Variants in SF3B3 observed in about 807,000 individuals in gnomAD.
SF3B3 encodes SAP 130.
A neutral mutation model predicts 139.2 loss-of-function variants in SF3B3; 33 were observed. The ratio of observed to expected loss-of-function variants is 0.24; its 90% CI spans 0.18 to 0.32. The LOEUF (loss-of-function observed/expected upper bound fraction) is 0.32. SF3B3 is among the 10% of genes least tolerant of loss of function. The probability of loss-of-function intolerance (pLI) is 1.00; values close to 1 mark genes in which losing one functional copy is unlikely to be tolerated. For synonymous variants in SF3B3, 596 were observed against 563.6 expected, an observed-to-expected ratio of 1.06 and a Z score of -0.81; for missense variants, 818 against 1,509.4, an observed-to-expected ratio of 0.54 and a Z score of 7.59.
rs2050525599 is a variant in SF3B3, at chr16:70,571,183, A to G, written c.3497A>G (p.Tyr1166Cys). The G allele has an allele frequency of 1.9e-6, 3 of 1,611,626 alleles. No individual in the cohort carries two copies. The highest frequency in any genetic ancestry group is 2.5e-6 in the Non-Finnish European group (3 of 1,177,848). ...CGRDHLSFRS[Y>C]YFPVKNVIDG... The stretch of plus-strand genomic sequence containing the variant: ...CGGGACCACCTCAGCTTTCGCTCCT[A>G]CTACTTCCCTGTGAAGGTAGGTTGG... The change falls in exon 25 of 26, where the codon TAC (tyrosine) becomes TGC (cysteine). Residue 1166 changes from tyrosine to cysteine, a missense_variant. Physicochemically the swap from Tyr to Cys is radical, Grantham distance 194. This residue lies in a region of SF3B3 where 44 missense variants were observed against 40.4 expected (regional missense o/e 1.09). Coordinates refer to ENST00000302516, the MANE Select transcript of SF3B3 (RefSeq NM_012426.5).
Position 70,538,787 on chromosome 16 carries a change from CTG to C in SF3B3, c.964-314_964-313del, listed in dbSNP as rs370660657. 2.0e-4 allele frequency among the ~76,000 whole-genome samples: 30 copies of C among 152,318 alleles called. No homozygotes were observed. The East Asian group carries it at 3.9e-3, about 20-fold the overall frequency. On this transcript the variant is annotated intron_variant, in intron 7 of 25. Coordinates refer to ENST00000302516, the MANE Select transcript of SF3B3 (RefSeq NM_012426.5). ...ACTTGTTTTATCCTATGGACGAGCT[CTG>C]TGAGTTGTTGGGCAATTTCTTAGAT...
At chr16:70,562,967 C>A (rs181966035) in intron 17 of SF3B3, among the ~76,000 whole-genome samples, 2 of 152,040 alleles carry the variant, frequency 1.3e-5, no homozygotes, top group Non-Finnish European at 2.9e-5. Flanking sequence ...CCTGGTGGGA[C>A]TGTAGGCGCA....
intron 10 of SF3B3, 88 bp downstream of exon 10, chr16:70,544,621 A>G: frequency 1.3e-6 from 1 of 777,054 alleles, no homozygotes; most frequent in East Asian, 2.5e-5. Context: ...GTTGTCAAAG[A>G]CATAGTTAAG....
chr16:70,546,972 G>A (rs1274130589), intron 10 of SF3B3, among the ~76,000 whole-genome samples: 1 of 151,886 alleles, frequency 6.6e-6, no homozygotes, highest in African/African-American at 2.4e-5. Context: ...AGCTTGCAGT[G>A]AGCCAAGATC....
chr16:70,526,089 A>G (rs746391286), intron 1 of SF3B3, among the ~76,000 whole-genome samples: 8 of 152,048 alleles, frequency 5.3e-5, no homozygotes, highest in Non-Finnish European at 1.0e-4. Flanking sequence ...CTCAGCCCAG[A>G]AAGTTATTTA....
intron 5 of SF3B3, 72 bp downstream of exon 5, chr16:70,532,692 C>A (rs1303639471): frequency 2.1e-6 from 3 of 1,456,436 alleles, no homozygotes; most frequent in Non-Finnish European, 2.9e-6. Context: ...ATAGGTTTTA[C>A]TTAAAGGGTT....
In SF3B3 at chr16:70,572,553, G is replaced by A. The variant is rs1210315182; in HGVS notation, c.*740G>A. 1 of 154,394 alleles carries A rather than the reference G, an allele frequency of 6.5e-6. No individual in the cohort carries two copies. The highest frequency in any genetic ancestry group is 1.4e-5 in the Non-Finnish European group (1 of 69,716). The allele number at this position is 154,394 out of a possible 1,614,324, so 9.6% of individuals were successfully genotyped here. A position where few individuals can be genotyped will look rare whatever the true frequency, so the allele number is the denominator to read the frequency against. On this transcript the variant is annotated 3_prime_UTR_variant, in exon 26 of 26. Coordinates refer to ENST00000302516, the MANE Select transcript of SF3B3 (RefSeq NM_012426.5). ...TTCCCACTGGGTATTGAGGAAGGGT[G>A]GCTGATTCTTCCTCCTCTTCTACTC... is the stretch of plus-strand genomic sequence containing the variant.
intron 6 of SF3B3, 49 bp downstream of exon 6, chr16:70,535,469 A>G: frequency 8.9e-7 from 1 of 1,123,438 alleles, no homozygotes; most frequent in South Asian, 1.3e-5. Context: ...AATTTTTGTG[A>G]TTACAGTGTA....
chr16:70,565,061 T>A lies in SF3B3; in HGVS notation c.2464-4T>A, dbSNP rs748627842. 3.1e-6 allele frequency: 5 copies of A among 1,612,862 alleles called. No homozygotes were observed. The highest frequency in any genetic ancestry group is 4.2e-6 in the Non-Finnish European group (5 of 1,179,984). ...AACTCAGTTACTCGTTTTTTTGGGT[T>A]TAGGAAATGGTGGAAGCAGCAGGGG... On this transcript the variant is annotated splice_region_variant and splice_polypyrimidine_tract_variant and intron_variant, in intron 18 of 25. Transcript: ENST00000302516.
At position 70,573,010 on chromosome 16, in the gene SF3B3, A is replaced by G. The variant is rs955950906; in HGVS notation, c.*1197A>G. 2 of 152,206 alleles carry G rather than the reference A, an allele frequency of 1.3e-5. No individual in the cohort carries two copies. Among genetic ancestry groups the G allele is most frequent in the African/African-American group, 4.8e-5 (2 of 41,446 alleles). 9.4% of individuals were successfully genotyped at this position (152,206 alleles called of 1,614,324 possible). On this transcript the variant is annotated 3_prime_UTR_variant, in exon 26 of 26. Coordinates refer to ENST00000302516, the MANE Select transcript of SF3B3 (RefSeq NM_012426.5). ...TGTGCTCAGCCATCTAAATTGAGCA[A>G]ATGATCTGGTGAGCACTGGGTTAGA...
chr16:70,538,038 T>A, intron 6 of SF3B3: 1 of 605,496 alleles, frequency 1.7e-6, no homozygotes, highest in Non-Finnish European at 3.2e-6. Flanking sequence ...AAAAATTTCA[T>A]GTCTCTTCTC....
chr16:70,568,197 C>T lies in SF3B3; in HGVS notation c.2953-86C>T, dbSNP rs540469663. The T allele has an allele frequency of 6.1e-4, 617 of 1,011,024 alleles. 6 individuals carry two copies. The Middle Eastern group carries it at 7.9e-3, about 13-fold the overall frequency. 62.6% of individuals were successfully genotyped at this position (1,011,024 alleles called of 1,614,324 possible). A position where few individuals can be genotyped will look rare whatever the true frequency, so the allele number is the denominator to read the frequency against. ...GGTATTTGCTGTTCTGCTGACCCTA[C>T]GTATGTCATACGGAAAGCTGGGCTT... is the stretch of plus-strand genomic sequence containing the variant. On this transcript the variant is annotated intron_variant, in intron 21 of 25. Coordinates refer to ENST00000302516, the MANE Select transcript of SF3B3 (RefSeq NM_012426.5).
chr16:70,573,104 C>G lies in SF3B3; in HGVS notation c.*1291C>G, dbSNP rs983416881. ...ACAGAGGGTTCCTGACACTGTGACACTGTCTCCTGGAACTAAGTATCTCTT... is the reference window on the plus strand; with the variant it reads ...ACAGAGGGTTCCTGACACTGTGACAGTGTCTCCTGGAACTAAGTATCTCTT... On this transcript the variant is annotated 3_prime_UTR_variant, in exon 26 of 26. Coordinates refer to ENST00000302516, the MANE Select transcript of SF3B3 (RefSeq NM_012426.5). The G allele has an allele frequency of 6.6e-6, 1 of 152,230 alleles. No individual in the cohort carries two copies. The highest frequency in any genetic ancestry group is 6.5e-5 in the Admixed American group (1 of 15,284). 9.4% of individuals were successfully genotyped at this position (152,230 alleles called of 1,614,324 possible). A position where few individuals can be genotyped will look rare whatever the true frequency, so the allele number is the denominator to read the frequency against.
chr16:70,571,268 G>A (rs1439448567), intron 25 of SF3B3, 69 bp downstream of exon 25: 1 of 1,172,098 alleles, frequency 8.5e-7, no homozygotes, highest in Non-Finnish European at 1.3e-6. Context: ...TGGATTGATG[G>A]GAATAGTACC....
intron 5 of SF3B3, among the ~76,000 whole-genome samples, chr16:70,533,397 G>C (rs2050139236): frequency 6.6e-6 from 1 of 152,118 alleles, no homozygotes; most frequent in Non-Finnish European, 1.5e-5. Context: ...ATGCTACTGT[G>C]CCGCTCTCTG....
In SF3B3 at chr16:70,556,285, C is replaced by G. The variant is rs776020291; in HGVS notation, c.1817C>G (p.Ala606Gly). Residue 606 changes from alanine to glycine, a missense_variant, in exon 14 of 26, where the codon GCT becomes GGT. By Grantham distance (60) the Ala-to-Gly change is moderately conservative (BLOSUM62 0). This residue lies in a region of SF3B3 where 170 missense variants were observed against 353.0 expected (regional missense o/e 0.48). Transcript: ENST00000302516. ...PPGEQRSRFL[A>G]VGLVDNTVRI... ...GGAGAGCAGCGGTCTCGCTTCCTGG[C>G]TGTGGGGCTTGTGGACAACACTGTC... The G allele has an allele frequency of 2.5e-6, 4 of 1,614,084 alleles. No individual in the cohort carries two copies. Among genetic ancestry groups the G allele is most frequent in the Non-Finnish European group, 3.4e-6 (4 of 1,180,040 alleles).
chr16:70,527,878 C>G (rs1243598515), intron 2 of SF3B3, among the ~76,000 whole-genome samples: 3 of 152,084 alleles, frequency 2.0e-5, no homozygotes, highest in Non-Finnish European at 4.4e-5. Context: ...TGGGTTCAAG[C>G]GATTCTCCTG....
At chr16:70,543,605 G>A (rs2050240500) in intron 9 of SF3B3, among the ~76,000 whole-genome samples, 1 of 152,132 alleles carries the variant, frequency 6.6e-6, no homozygotes, top group African/African-American at 2.4e-5. Flanking sequence ...CTACTTGGGA[G>A]GTCGAGGCAG....
intron 3 of SF3B3, 53 bp from the exon 4 acceptor site, chr16:70,530,692 T>G: frequency 7.0e-7 from 1 of 1,436,814 alleles, no homozygotes; most frequent in Non-Finnish European, 9.6e-7. Context: ...GTTCTATAAG[T>G]CTCTCTTCTC....
Sources: gnomAD v4.1 joint callset for allele counts (sites outside exome capture counted in the v4.1 genomes callset) on GRCh38, gnomAD v4.1.1 for gene constraint, gnomAD v4.1.1 regional missense constraint, MANE v1.5 for transcripts, NCBI Gene and HGNC (gene_info 2026-07-23, HGNC 2026-07-21) for gene names.